The following FAM169A variants were observed in gnomAD, a reference collection of about 807,000 sequenced individuals.
FAM169A encodes family with sequence similarity 169 member A.
FAM169A carries 24 observed loss-of-function variants against 75.7 expected under a neutral mutation model. The ratio of observed to expected loss-of-function variants is 0.32; its 90% CI spans 0.23 to 0.45. The LOEUF is 0.45. Ranked by LOEUF, FAM169A falls within the 20% of genes least tolerant of loss-of-function variation. The probability of loss-of-function intolerance (pLI) is 1.00; values close to 1 mark genes in which losing one functional copy is unlikely to be tolerated. For missense variants in FAM169A, 673 were observed against 784.0 expected (o/e 0.86, Z 1.69); for synonymous variants, 271 against 271.0 (o/e 1.00, Z 0.00).
intron 6 of FAM169A, among the ~76,000 whole-genome samples, chr5:74,812,481 T>C (rs952906645): frequency 5.3e-5 from 8 of 151,870 alleles, no homozygotes; most frequent in Admixed American, 6.6e-5. Context: ...GGTCTCACTA[T>C]GTTGCCCAGA....
At chr5:74,812,445 C>T (rs894909948) in intron 6 of FAM169A, among the ~76,000 whole-genome samples, 1 of 144,458 alleles carries the variant, frequency 6.9e-6, no homozygotes, top group Admixed American at 7.0e-5. Flanking sequence ...ACTTTTTAAA[C>T]TTTTTTTTTT....
rs114976014 is a variant in FAM169A, at chr5:74,842,049, G to A, written c.-3-370C>T. Among the ~76,000 whole-genome samples, 259 of 151,682 alleles carry A rather than the reference G, an allele frequency of 1.7e-3. 2 individuals carry two copies. Among genetic ancestry groups the A allele is most frequent in the African/African-American group, 5.7e-3 (236 of 41,306 alleles). On this transcript the variant is annotated intron_variant, in intron 1 of 12. Transcript: ENST00000687041. The stretch of plus-strand genomic sequence containing the variant: ...TCACTGTAAAAGGACACGAGAACTT[G>A]TTGGAATAATGAAAATGTTCTACAA...
intron 4 of FAM169A, among the ~76,000 whole-genome samples, chr5:74,835,601 C>CAAAA (rs35800429): frequency 1.0e-4 from 6 of 59,172 alleles, no homozygotes; most frequent in Admixed American, 3.4e-4. Flanking sequence ...GACTGTGTCT[C>CAAAA]AAAAAAAAAA....
At position 74,779,527 on chromosome 5, in the gene FAM169A, AAC is replaced by A. The variant is rs1323715959; in HGVS notation, c.*1931_*1932del. On this transcript the variant is annotated 3_prime_UTR_variant, in exon 13 of 13. Transcript: ENST00000687041. ...AAAGATTAAGAATTTACTGAATCTT[AAC>A]AGAGTATTTCCCTTTGTGATATTGA... 1 of 152,142 alleles carries A rather than the reference AAC, an allele frequency of 6.6e-6. No homozygotes were observed. Among genetic ancestry groups the A allele is most frequent in the Non-Finnish European group, 1.5e-5 (1 of 68,018 alleles). The allele number at this position is 152,142 out of a possible 1,614,324, so 9.4% of individuals were successfully genotyped here.
chr5:74,845,673 A>C (rs1311477642), intron 1 of FAM169A, among the ~76,000 whole-genome samples: 1 of 152,230 alleles, frequency 6.6e-6, no homozygotes, highest in Non-Finnish European at 1.5e-5. Context: ...AGTAAATGTA[A>C]ATGTCTAAAT....
chr5:74,811,989 G>A (rs983200608), intron 6 of FAM169A, among the ~76,000 whole-genome samples: 2 of 152,218 alleles, frequency 1.3e-5, no homozygotes, highest in African/African-American at 2.4e-5. Context: ...GTTAGGTACA[G>A]TACTCATCCC....
intron 10 of FAM169A, chr5:74,800,173 C>G: frequency 2.5e-6 from 1 of 408,026 alleles, no homozygotes. Flanking sequence ...CAAGGAAACA[C>G]TGAAAACACA....
Position 74,778,383 on chromosome 5 carries a change from T to C in FAM169A, c.*3077A>G, listed in dbSNP as rs1013541385. On this transcript the variant is annotated 3_prime_UTR_variant, in exon 13 of 13. Transcript: ENST00000687041. ...TAAAGCAGAACATAAGAGCAGATAT[T>C]TAGATATTAGTACAGGCTCAATTTG... 1 of 152,024 alleles carries C rather than the reference T, an allele frequency of 6.6e-6. No individual in the cohort carries two copies. The highest frequency in any genetic ancestry group is 1.5e-5 in the Non-Finnish European group (1 of 67,888). 9.4% of individuals were successfully genotyped at this position (152,024 alleles called of 1,614,324 possible). A position where few individuals can be genotyped will look rare whatever the true frequency, so the allele number is the denominator to read the frequency against.
intron 1 of FAM169A, among the ~76,000 whole-genome samples, chr5:74,861,638 C>A (rs1407210336): frequency 6.6e-6 from 1 of 152,034 alleles, no homozygotes; most frequent in African/African-American, 2.4e-5. Flanking sequence ...TCACTTGAAC[C>A]TAGAAGGCAG....
intron 4 of FAM169A, among the ~76,000 whole-genome samples, 167 bp from the exon 5 acceptor site, chr5:74,834,764 C>T (rs1175199863): frequency 6.6e-6 from 1 of 152,120 alleles, no homozygotes; most frequent in African/African-American, 2.4e-5. Context: ...TGAGACTAAT[C>T]ATTCACATAG....
At chr5:74,859,934 G>A (rs917155375) in intron 1 of FAM169A, among the ~76,000 whole-genome samples, 1 of 152,090 alleles carries the variant, frequency 6.6e-6, no homozygotes, top group Admixed American at 6.5e-5. Context: ...GGGAGAAAAG[G>A]TAAGAAGATG....
intron 1 of FAM169A, among the ~76,000 whole-genome samples, chr5:74,852,996 A>G (rs1749520245): frequency 6.6e-6 from 1 of 152,154 alleles, no homozygotes; most frequent in African/African-American, 2.4e-5. Context: ...ATACATAATA[A>G]TGTGGTTCAT....
intron 10 of FAM169A, among the ~76,000 whole-genome samples, 153 bp downstream of exon 10, chr5:74,800,727 T>C (rs1174157357): frequency 2.0e-5 from 3 of 150,476 alleles, no homozygotes; most frequent in African/African-American, 7.3e-5. Context: ...CCAAAAAGTA[T>C]ATTAAAAGTA....
intron 10 of FAM169A, chr5:74,799,212 C>T: frequency 7.6e-7 from 1 of 1,322,216 alleles, no homozygotes; most frequent in East Asian, 2.3e-5. Context: ...GTGGGGCAGA[C>T]CACAATGCCT....
At chr5:74,830,301 T>C (rs1748249148) in intron 5 of FAM169A, among the ~76,000 whole-genome samples, 1 of 152,186 alleles carries the variant, frequency 6.6e-6, no homozygotes. Context: ...AACTCTTCAA[T>C]GTCGAACATG....
upstream of FAM169A, chr5:74,866,737 C>T (rs1200775358): frequency 2.0e-6 from 2 of 985,456 alleles, no homozygotes; most frequent in East Asian, 2.3e-4. Context: ...TTTGCGTATT[C>T]CTTTAATGCC....
intron 10 of FAM169A, among the ~76,000 whole-genome samples, chr5:74,798,133 ACT>A (rs1746373809): frequency 6.6e-6 from 1 of 151,690 alleles, no homozygotes; most frequent in African/African-American, 2.4e-5. Flanking sequence ...AGAATCCAAC[ACT>A]CTTTCCTCTG....
At chr5:74,795,679 T>G (rs1179160863) in intron 11 of FAM169A, among the ~76,000 whole-genome samples, 1 of 152,222 alleles carries the variant, frequency 6.6e-6, no homozygotes, top group Non-Finnish European at 1.5e-5. Context: ...GAAAGCATTT[T>G]AACTGGTTCT....
Position 74,813,895 on chromosome 5 carries a change from G to C in FAM169A, c.615C>G (p.Ser205=), listed in dbSNP as rs746853487. ...GCAAGCCAAGCGCATCTTCTGTAAA[G>C]GAATCAACAAAGTCCTCCAGCATGT... is the stretch of plus-strand genomic sequence containing the variant. ...GLHMLEDFVD[S]FTEDALGLRY... The change falls in exon 6 of 13, where the codon TCC becomes TCG. Residue 205 remains serine (S), a synonymous_variant. Transcript: ENST00000687041. 6.2e-7 allele frequency: 1 copy of C among 1,608,726 alleles called. No homozygotes were observed. The highest frequency in any genetic ancestry group is 2.2e-5 in the East Asian group (1 of 44,610).
Sources: gnomAD v4.1 joint callset for allele counts (sites outside exome capture counted in the v4.1 genomes callset) on GRCh38, gnomAD v4.1.1 for gene constraint, MANE v1.5 for transcripts, NCBI Gene and HGNC (gene_info 2026-07-23, HGNC 2026-07-21) for gene names.